The following CUBN variants were observed in gnomAD, a reference collection of about 807,000 sequenced individuals.
CUBN encodes 460 kDa receptor.
Under a neutral mutation model 405.3 loss-of-function variants are expected in CUBN, and 282 were observed. The ratio of observed to expected loss-of-function variants is 0.70; its 90% CI spans 0.63 to 0.77. The LOEUF (loss-of-function observed/expected upper bound fraction) is 0.77. Ranked by LOEUF, CUBN falls within the 30% of genes least tolerant of loss-of-function variation. The pLI, the probability that CUBN is intolerant of heterozygous loss-of-function variation, is 0.00. For missense variants in CUBN, 4,514 were observed against 4,475.2 expected, an observed-to-expected ratio of 1.01 and a Z score of -0.25; for synonymous variants, 1,684 against 1,617.0, an observed-to-expected ratio of 1.04 and a Z score of -0.99.
chr10:17,047,382 A>G, intron 23 of CUBN, 32 bp downstream of exon 23: 1 of 1,494,488 alleles, frequency 6.7e-7, no homozygotes, highest in South Asian at 1.2e-5. Context: ...AAATAATGAA[A>G]AGATTATAAT....
At chr10:16,841,076 C>A (rs1320636344) in intron 60 of CUBN, 29 bp from the exon 61 acceptor site, 2 of 1,609,158 alleles carry the variant, frequency 1.2e-6, no homozygotes, top group Admixed American at 3.3e-5. Context: ...CATTACTTCT[C>A]CATTACTTAC....
At chr10:16,888,878 A>T (rs1057173993) in intron 55 of CUBN, among the ~76,000 whole-genome samples, 1 of 152,228 alleles carries the variant, frequency 6.6e-6, no homozygotes. Context: ...ATGATAGAAT[A>T]TGGTTCATGC....
chr10:16,826,742 G>T (rs59592617), intron 66 of CUBN, among the ~76,000 whole-genome samples: 1 of 152,008 alleles, frequency 6.6e-6, no homozygotes, highest in Non-Finnish European at 1.5e-5. Flanking sequence ...TCAGTGACTC[G>T]GTTTATACTT....
chr10:17,129,015 A>T, intron 2 of CUBN, 106 bp downstream of exon 2: 1 of 867,102 alleles, frequency 1.2e-6, no homozygotes, highest in Non-Finnish European at 1.8e-6. Flanking sequence ...ATTAATAAAA[A>T]ATAATAATTA....
chr10:17,007,507 G>C (rs1328810239), intron 28 of CUBN, among the ~76,000 whole-genome samples: 1 of 152,180 alleles, frequency 6.6e-6, no homozygotes, highest in East Asian at 1.9e-4. Context: ...GGAAATGAAT[G>C]AAGTGTGTAG....
At chr10:17,128,979 C>G (rs1837260526) in intron 2 of CUBN, 142 bp downstream of exon 2, 2 of 642,774 alleles carry the variant, frequency 3.1e-6, no homozygotes, top group Non-Finnish European at 5.2e-6. Flanking sequence ...GAACTTTACA[C>G]ATTATAGGAA....
intron 59 of CUBN, among the ~76,000 whole-genome samples, chr10:16,854,925 C>T (rs191684391): frequency 1.7e-3 from 258 of 151,726 alleles, no homozygotes; most frequent in African/African-American, 6.0e-3. Context: ...TTCCTTCCTT[C>T]CTTCCTTCCT....
chr10:16,867,217 C>T (rs1421194156), intron 59 of CUBN, among the ~76,000 whole-genome samples: 1 of 152,154 alleles, frequency 6.6e-6, no homozygotes, highest in Non-Finnish European at 1.5e-5. Context: ...ACTATCTGGT[C>T]CACAAAGTTG....
chr10:16,962,819 G>A (rs1358925311), intron 31 of CUBN, among the ~76,000 whole-genome samples: 3 of 152,132 alleles, frequency 2.0e-5, no homozygotes, highest in Non-Finnish European at 4.4e-5. Flanking sequence ...GAGTGAGCCA[G>A]GAAGCATGCA....
chr10:16,836,502 G>A (rs1839173503), intron 62 of CUBN, 120 bp from the exon 63 acceptor site: 1 of 973,068 alleles, frequency 1.0e-6, no homozygotes, highest in Non-Finnish European at 1.6e-6. Flanking sequence ...AACCAGCTCT[G>A]CTGTTGGAAG....
intron 31 of CUBN, among the ~76,000 whole-genome samples, chr10:16,957,566 A>G (rs1328087032): frequency 6.6e-6 from 1 of 152,176 alleles, no homozygotes; most frequent in Non-Finnish European, 1.5e-5. Context: ...CTTAATCCCA[A>G]TTAGAAAATA....
At position 17,103,185 on chromosome 10, in the gene CUBN, C is replaced by T. The variant is rs143255616; in HGVS notation, c.1470G>A (p.Pro490=). Residue 490 remains proline (P), a synonymous_variant, in exon 13 of 67, where the codon CCG becomes CCA. Coordinates refer to ENST00000377833, the MANE Select transcript of CUBN (RefSeq NM_001081.4). ...TAACATCATGAACATAACCAACATC[C>T]GGGCTCCTGTAGCTGAAGCTTCCAT... ...GINGSFSYRS[P]DVGYVHDVNC... 729 of 1,613,950 alleles carry T rather than the reference C, an allele frequency of 4.5e-4. 2 individuals are homozygous for T. The African/African-American group carries it at 8.5e-3, about 19-fold the overall frequency.
intron 14 of CUBN, among the ~76,000 whole-genome samples, chr10:17,089,917 T>A (rs573672938): frequency 6.6e-6 from 1 of 151,924 alleles, no homozygotes; most frequent in Non-Finnish European, 1.5e-5. Context: ...TTGAGCCCAG[T>A]TTAAGAACGG....
At chr10:17,126,324 C>A (rs1837189731) in intron 4 of CUBN, among the ~76,000 whole-genome samples, 1 of 152,150 alleles carries the variant, frequency 6.6e-6, no homozygotes, top group Non-Finnish European at 1.5e-5. Context: ...GTTTAATTAC[C>A]AGCAAATGTC....
At chr10:16,958,277 G>A (rs991190497) in intron 31 of CUBN, among the ~76,000 whole-genome samples, 2 of 152,122 alleles carry the variant, frequency 1.3e-5, no homozygotes, top group African/African-American at 4.8e-5. Context: ...TCTGGCTGAA[G>A]TAATACTTCA....
At chr10:17,011,088 T>A (rs763364470) in intron 28 of CUBN, among the ~76,000 whole-genome samples, 3 of 152,312 alleles carry the variant, frequency 2.0e-5, no homozygotes, top group Non-Finnish European at 4.4e-5. Context: ...TTCCAGTTGA[T>A]TGAAATACAC....
chr10:16,938,078 T>C (rs901751233), intron 38 of CUBN, among the ~76,000 whole-genome samples: 8 of 152,064 alleles, frequency 5.3e-5, no homozygotes, highest in African/African-American at 1.9e-4. Flanking sequence ...GATGGAAAAA[T>C]AGGAACCAGG....
At chr10:16,944,622 C>T (rs1449352662) in intron 36 of CUBN, among the ~76,000 whole-genome samples, 1 of 152,200 alleles carries the variant, frequency 6.6e-6, no homozygotes, top group East Asian at 1.9e-4. Flanking sequence ...AAAAAAGAGG[C>T]ATCTTGCAGC....
intron 39 of CUBN, among the ~76,000 whole-genome samples, chr10:16,937,245 TTAAC>T (rs1309301466): frequency 6.6e-6 from 1 of 152,188 alleles, no homozygotes; most frequent in Non-Finnish European, 1.5e-5. Context: ...GAGTTGATCC[TTAAC>T]TAACTGATTG....
Sources: gnomAD v4.1 joint callset for allele counts (sites outside exome capture counted in the v4.1 genomes callset) on GRCh38, gnomAD v4.1.1 for gene constraint, MANE v1.5 for transcripts, NCBI Gene and HGNC (gene_info 2026-07-23, HGNC 2026-07-21) for gene names.